The following ABCC4 variants were observed in gnomAD, a reference collection of about 807,000 sequenced individuals.
The protein encoded by ABCC4 is ATP-binding cassette sub-family C member 4.
In ABCC4, 102 loss-of-function variants were observed where a neutral mutation model predicts 168.5. The ratio of observed to expected loss-of-function variants is 0.61; its 90% CI spans 0.52 to 0.71. ABCC4 has a LOEUF of 0.71. Ranked by LOEUF, ABCC4 falls within the 30% of genes least tolerant of loss-of-function variation. The probability of loss-of-function intolerance (pLI) is 0.00; values close to 1 mark genes in which losing one functional copy is unlikely to be tolerated. For missense variants in ABCC4, 1,402 were observed against 1,605.8 expected, an observed-to-expected ratio of 0.87 and a Z score of 2.17; for synonymous variants, 617 against 590.7, an observed-to-expected ratio of 1.04 and a Z score of -0.65.
intron 20 of ABCC4, 133 bp from the exon 21 acceptor site, chr13:95,083,423 C>T (rs1642671403): frequency 9.5e-7 from 1 of 1,055,382 alleles, no homozygotes. Flanking sequence ...CTTTTCCATA[C>T]AAAGGAATAA....
intron 29 of ABCC4, among the ~76,000 whole-genome samples, chr13:95,041,993 C>G (rs1342836113): frequency 6.6e-6 from 1 of 152,228 alleles, no homozygotes; most frequent in African/African-American, 2.4e-5. Context: ...CTGGTAGGAC[C>G]TCCTGTGATG....
At chr13:95,175,311 T>C (rs2037635043) in intron 13 of ABCC4, among the ~76,000 whole-genome samples, 1 of 152,162 alleles carries the variant, frequency 6.6e-6, no homozygotes, top group African/African-American at 2.4e-5. Flanking sequence ...TTAAAATTTT[T>C]TTTTTATTAT....
At chr13:95,066,341 A>G (rs573997921) in intron 25 of ABCC4, among the ~76,000 whole-genome samples, 2 of 152,354 alleles carry the variant, frequency 1.3e-5, no homozygotes, top group South Asian at 2.1e-4. Flanking sequence ...AAACAGCCAT[A>G]AAATCTGCGA....
chr13:95,239,163 G>A (rs2039859168), intron 3 of ABCC4, among the ~76,000 whole-genome samples: 1 of 34,228 alleles, frequency 2.9e-5, no homozygotes, highest in Non-Finnish European at 5.7e-5. Context: ...AATGTAAACT[G>A]CAAAAAAAAA....
At chr13:95,204,228 C>A (rs2038716771) in intron 8 of ABCC4, among the ~76,000 whole-genome samples, 1 of 152,184 alleles carries the variant, frequency 6.6e-6, no homozygotes, top group East Asian at 1.9e-4. Flanking sequence ...TAGGACTCCA[C>A]AAGAAACAGA....
intron 1 of ABCC4, among the ~76,000 whole-genome samples, chr13:95,255,226 G>A (rs530261467): frequency 7.2e-5 from 11 of 152,316 alleles, no homozygotes; most frequent in South Asian, 6.2e-4. Flanking sequence ...CACACTTCTC[G>A]TGTAACACTC....
chr13:95,021,782 A>G, intron 30 of ABCC4, 100 bp from the exon 31 acceptor site: 1 of 784,138 alleles, frequency 1.3e-6, no homozygotes. Flanking sequence ...ATGTGAAGCA[A>G]ATCATATCCC....
At chr13:95,182,619 G>C (rs908096372) in intron 11 of ABCC4, among the ~76,000 whole-genome samples, 1 of 152,200 alleles carries the variant, frequency 6.6e-6, no homozygotes, top group Non-Finnish European at 1.5e-5. Flanking sequence ...CTAGTAATCA[G>C]ATGCTTTAAG....
rs117387249 is a variant in ABCC4 at position 95,044,461 on chromosome 13, G to C, written c.3457-23C>G. 8,614 of 1,587,518 alleles carry C rather than the reference G, an allele frequency of 5.4e-3. 33 individuals carry two copies. Among genetic ancestry groups the C allele is most frequent in the Non-Finnish European group, 6.7e-3 (7,816 of 1,166,542 alleles). ...TACCTGTAGATGTACAAAGAAGAAT[G>C]ACTGCTATCATTCAAGCCGCTATGG... On this transcript the variant is annotated intron_variant, in intron 27 of 30. Coordinates refer to ENST00000645237, the MANE Select transcript of ABCC4 (RefSeq NM_005845.5).
At chr13:95,263,747 C>T (rs2040595023) in intron 1 of ABCC4, among the ~76,000 whole-genome samples, 1 of 151,486 alleles carries the variant, frequency 6.6e-6, no homozygotes, top group African/African-American at 2.4e-5. Flanking sequence ...CACTTGAACC[C>T]AGGAAGCAGA....
At chr13:95,205,030 C>T (rs558422361) in intron 8 of ABCC4, among the ~76,000 whole-genome samples, 2 of 152,282 alleles carry the variant, frequency 1.3e-5, no homozygotes, top group African/African-American at 4.8e-5. Flanking sequence ...AAAGTATACT[C>T]CTAAGTTCTT....
intron 4 of ABCC4, among the ~76,000 whole-genome samples, chr13:95,214,166 A>C (rs750033687): frequency 5.3e-5 from 8 of 152,216 alleles, no homozygotes; most frequent in Non-Finnish European, 1.0e-4. Flanking sequence ...AGATATCATT[A>C]ATAGCAGATA....
chr13:95,070,694 T>C (rs779156821), intron 25 of ABCC4, among the ~76,000 whole-genome samples: 5 of 152,124 alleles, frequency 3.3e-5, no homozygotes, highest in Non-Finnish European at 7.4e-5. Flanking sequence ...GGGTCTTCCC[T>C]TGGGGGCTGA....
chr13:95,196,237 C>T (rs894379951), intron 8 of ABCC4, among the ~76,000 whole-genome samples: 2 of 152,140 alleles, frequency 1.3e-5, no homozygotes, highest in Admixed American at 1.3e-4. Context: ...GTCAGCTCTC[C>T]TCAAAACCTG....
intron 4 of ABCC4, among the ~76,000 whole-genome samples, chr13:95,225,380 C>T (rs7350704): frequency 3.9e-5 from 6 of 152,194 alleles, no homozygotes; most frequent in South Asian, 4.1e-4. Context: ...ATTTAAAATA[C>T]GATTTATGGC....
intron 21 of ABCC4, among the ~76,000 whole-genome samples, chr13:95,082,398 C>T (rs778402505): frequency 3.9e-5 from 6 of 151,962 alleles, no homozygotes; most frequent in Non-Finnish European, 8.8e-5. Flanking sequence ...CTCATGATTC[C>T]AAAACTAGGA....
intron 20 of ABCC4, among the ~76,000 whole-genome samples, chr13:95,090,216 C>A (rs1196096052): frequency 6.6e-6 from 1 of 152,140 alleles, no homozygotes. Flanking sequence ...GGCATATAAT[C>A]CAGGGAGTCC....
chr13:95,195,829 T>C (rs1211574316), intron 8 of ABCC4, among the ~76,000 whole-genome samples: 2 of 152,110 alleles, frequency 1.3e-5, no homozygotes, highest in East Asian at 1.9e-4. Context: ...AGACAGGGTT[T>C]CACCATGTTA....
chr13:95,100,709 T>C (rs2034769669), intron 20 of ABCC4, among the ~76,000 whole-genome samples: 1 of 151,802 alleles, frequency 6.6e-6, no homozygotes, highest in Non-Finnish European at 1.5e-5. Context: ...ACTAAAACTC[T>C]TTTGTTGACT....
Sources: gnomAD v4.1 joint callset for allele counts (sites outside exome capture counted in the v4.1 genomes callset) on GRCh38, gnomAD v4.1.1 for gene constraint, MANE v1.5 for transcripts, NCBI Gene and HGNC (gene_info 2026-07-23, HGNC 2026-07-21) for gene names.